Variants in RBFOX1 observed in about 807,000 individuals in gnomAD.
RBFOX1 encodes RNA binding fox-1 homolog 1.
In RBFOX1, 8 loss-of-function variants were observed where a neutral mutation model predicts 57.7. The ratio of observed to expected loss-of-function variants is 0.14; its 90% CI spans 0.08 to 0.25. The LOEUF is 0.25. Ranked by LOEUF, RBFOX1 falls within the 10% of genes least tolerant of loss-of-function variation. The pLI is 1.00. For missense variants in RBFOX1, 611 were observed against 548.5 expected, an observed-to-expected ratio of 1.11 and a Z score of -1.14; for synonymous variants, 326 against 222.4, an observed-to-expected ratio of 1.47 and a Z score of -4.15.
intron 3 of RBFOX1, among the ~76,000 whole-genome samples, chr16:7,035,183 A>G (rs2044024393): frequency 6.6e-6 from 1 of 151,914 alleles, no homozygotes; most frequent in South Asian, 2.1e-4. Flanking sequence ...TTTCCAGGTG[A>G]TGCCAACGCT....
chr16:5,388,289 G>C (rs2066309245), intron 1 of RBFOX1, among the ~76,000 whole-genome samples: 2 of 152,130 alleles, frequency 1.3e-5, no homozygotes, highest in Non-Finnish European at 2.9e-5. Context: ...CCCTTGGTTG[G>C]GTTGGGGGCT....
chr16:6,450,833 A>ATATT (rs2094596742), intron 2 of RBFOX1, among the ~76,000 whole-genome samples: 1 of 35,038 alleles, frequency 2.9e-5, no homozygotes, highest in Non-Finnish European at 5.1e-5. Flanking sequence ...ATATATATAT[A>ATATT]TATGTGTATA....
At chr16:5,683,387 G>A (rs1241411352) in intron 3 of RBFOX1, among the ~76,000 whole-genome samples, 1 of 151,950 alleles carries the variant, frequency 6.6e-6, no homozygotes, top group East Asian at 1.9e-4. Context: ...AACTTGATTG[G>A]ATTGAGGCAT....
intron 1 of RBFOX1, among the ~76,000 whole-genome samples, chr16:5,423,049 G>C (rs2067400827): frequency 8.2e-6 from 1 of 122,368 alleles, no homozygotes; most frequent in African/African-American, 3.2e-5. Context: ...AGTGGGGAGA[G>C]GGAAGAGGGG....
At chr16:7,660,785 C>T (rs774988003) in intron 12 of RBFOX1, among the ~76,000 whole-genome samples, 1 of 152,144 alleles carries the variant, frequency 6.6e-6, no homozygotes, top group Non-Finnish European at 1.5e-5. Context: ...GGGCATGGGG[C>T]CCAGCCATCT....
chr16:6,492,868 A>G (rs10431949), intron 2 of RBFOX1, among the ~76,000 whole-genome samples: 49,833 of 152,108 alleles, frequency 0.33, 8,948 homozygotes, highest in Non-Finnish European at 0.41. Context: ...TTAGAAAGCA[A>G]ACATACACAT....
At chr16:7,194,436 A>G (rs1028484357) in intron 4 of RBFOX1, among the ~76,000 whole-genome samples, 2 of 152,230 alleles carry the variant, frequency 1.3e-5, no homozygotes, top group East Asian at 3.8e-4. Context: ...ATGGTACAGG[A>G]TGACCGTCTA....
chr16:6,115,734 C>T (rs981400193), intron 1 of RBFOX1, among the ~76,000 whole-genome samples: 8 of 152,148 alleles, frequency 5.3e-5, no homozygotes, highest in Non-Finnish European at 2.9e-5. Flanking sequence ...AGTTTATTTA[C>T]CAAGCTACAC....
At chr16:7,492,320 A>G (rs74010524) in intron 4 of RBFOX1, among the ~76,000 whole-genome samples, 6,603 of 152,122 alleles carry the variant, frequency 0.043, 439 homozygotes, top group African/African-American at 0.15. Context: ...GCTGAAAAAA[A>G]TGGGGGTCAA....
chr16:6,989,604 G>A (rs1250034155), intron 3 of RBFOX1, among the ~76,000 whole-genome samples: 2 of 152,184 alleles, frequency 1.3e-5, no homozygotes, highest in Non-Finnish European at 2.9e-5. Context: ...AACCATTTAA[G>A]AGTGGGACAG....
At position 7,122,589 on chromosome 16, in the gene RBFOX1, A is replaced by C. The variant is rs954958682; in HGVS notation, c.27+70491A>C. ...CAAGACTTAGTGCTGTGGAGGATTC[A>C]GAGAAACTGGATTTCTCCTGTACTG... On this transcript the variant is annotated intron_variant, in intron 4 of 15. Transcript: ENST00000550418. Among the ~76,000 whole-genome samples, 5 of 152,338 alleles carry C rather than the reference A, an allele frequency of 3.3e-5. No individual in the cohort carries two copies. In the East Asian group the frequency reaches 9.7e-4, roughly 29 times the overall value.
intron 4 of RBFOX1, among the ~76,000 whole-genome samples, chr16:7,499,698 G>C (rs2070006284): frequency 1.3e-5 from 2 of 152,098 alleles, no homozygotes; most frequent in African/African-American, 4.8e-5. Flanking sequence ...GCAAAAACAA[G>C]TGCGCCAGAA....
At chr16:5,789,445 A>C (rs901548158) in intron 3 of RBFOX1, among the ~76,000 whole-genome samples, 7 of 152,078 alleles carry the variant, frequency 4.6e-5, no homozygotes, top group African/African-American at 1.7e-4. Flanking sequence ...GTGTGTGTGT[A>C]TGAGAGTGTG....
At chr16:7,468,239 C>T (rs566840805) in intron 4 of RBFOX1, among the ~76,000 whole-genome samples, 3 of 152,280 alleles carry the variant, frequency 2.0e-5, no homozygotes, top group Admixed American at 1.3e-4. Context: ...TCTGCATACC[C>T]GCCCGACCTT....
intron 4 of RBFOX1, among the ~76,000 whole-genome samples, chr16:7,132,110 G>C (rs1245909388): frequency 6.6e-6 from 1 of 150,706 alleles, no homozygotes; most frequent in African/African-American, 2.5e-5. Flanking sequence ...TCCTGACTCA[G>C]GCTGGAATTA....
chr16:6,092,597 T>G (rs980921456), intron 1 of RBFOX1: 1 of 152,262 alleles, frequency 6.6e-6, no homozygotes, highest in Non-Finnish European at 1.5e-5. Context: ...AGTTACAGTC[T>G]TCTGCATATG....
At chr16:6,111,257 C>A (rs1278332045) in intron 1 of RBFOX1, among the ~76,000 whole-genome samples, 5 of 152,184 alleles carry the variant, frequency 3.3e-5, no homozygotes, top group Non-Finnish European at 7.3e-5. Flanking sequence ...AATGTCACCC[C>A]ATTGTTGGAC....
chr16:5,960,015 A>T (rs563452529), intron 4 of RBFOX1, among the ~76,000 whole-genome samples: 55 of 152,256 alleles, frequency 3.6e-4, no homozygotes, highest in African/African-American at 1.3e-3. Flanking sequence ...AGCCTTGCCA[A>T]CATGGTGAAA....
intron 4 of RBFOX1, among the ~76,000 whole-genome samples, chr16:7,431,636 T>C (rs886635152): frequency 6.6e-6 from 1 of 152,244 alleles, no homozygotes; most frequent in African/African-American, 2.4e-5. Context: ...CCGCCATCAC[T>C]GTCCAGTTTC....
Sources: allele counts gnomAD v4.1 joint callset (sites outside exome capture counted in the v4.1 genomes callset), GRCh38; gene constraint gnomAD v4.1.1; transcripts MANE v1.5; gene names NCBI Gene and HGNC (gene_info 2026-07-23, HGNC 2026-07-21).